PPP1R42: variants seen among roughly 807,000 people sequenced by gnomAD.
The protein encoded by PPP1R42 is protein phosphatase 1 regulatory subunit 42, also known as leucine rich repeat containing 67.
A neutral mutation model predicts 31.0 loss-of-function variants in PPP1R42; 34 were observed. The ratio of observed to expected loss-of-function variants is 1.10; its 90% CI spans 0.83 to 1.46. The LOEUF (loss-of-function observed/expected upper bound fraction) is 1.46, where lower values mean the gene tolerates loss of function less well. Among genes scored for constraint, PPP1R42 ranks in the 40% most tolerant of loss-of-function variants. The pLI is 0.00. For synonymous variants in PPP1R42, 103 were observed against 109.8 expected (o/e 0.94, Z 0.39); for missense variants, 268 against 303.0 (o/e 0.88, Z 0.86).
chr8:67,026,254 C>G (rs989203585), intron 1 of PPP1R42, among the ~76,000 whole-genome samples: 1 of 151,780 alleles, frequency 6.6e-6, no homozygotes, highest in African/African-American at 2.4e-5. Flanking sequence ...AGGAGAATCG[C>G]TTGTACCCAG....
At chr8:67,019,908 A>C (rs908118230) in intron 1 of PPP1R42, among the ~76,000 whole-genome samples, 4 of 151,862 alleles carry the variant, frequency 2.6e-5, no homozygotes, top group East Asian at 2.0e-4. Context: ...AAACCAAAAA[A>C]ACAAACAAAC....
intron 5 of PPP1R42, among the ~76,000 whole-genome samples, chr8:67,005,726 C>T (rs1253078844): frequency 6.6e-6 from 1 of 152,016 alleles, no homozygotes; most frequent in African/African-American, 2.4e-5. Flanking sequence ...CAAACCCACC[C>T]ACTCCTCTTC....
At chr8:67,010,476 T>G (rs927363385) in intron 5 of PPP1R42, 5 of 377,274 alleles carry the variant, frequency 1.3e-5, no homozygotes, top group African/African-American at 1.1e-4. Context: ...ACTTCCCTTC[T>G]CAGAGAAACT....
At chr8:67,018,211 G>A (rs1816078078) in intron 1 of PPP1R42, among the ~76,000 whole-genome samples, 1 of 151,512 alleles carries the variant, frequency 6.6e-6, no homozygotes, top group Non-Finnish European at 1.5e-5. Flanking sequence ...CCCCTCCCAG[G>A]TTCAAGCGAT....
At chr8:66,967,441 T>C (rs541551595) in intron 7 of PPP1R42, among the ~76,000 whole-genome samples, 1 of 152,252 alleles carries the variant, frequency 6.6e-6, no homozygotes, top group African/African-American at 2.4e-5. Context: ...TAGACCGTTA[T>C]GTTTAACAAA....
rs778387540 is a variant in PPP1R42, at chr8:67,010,766, T to A, written c.501A>T (p.Leu167=). Residue 167 remains leucine, a synonymous_variant, in exon 5 of 8, where the codon CTA becomes CTT. Transcript: ENST00000685739. ...CGGCTATGAGCTGATTAAGATTCTC[T>A]AGTAGTTCTAAGTCTGTAATGTCAT... ...NIDDITDLEL[L]ENLNQLIAVD... 2 of 1,608,466 alleles carry A rather than the reference T, an allele frequency of 1.2e-6. No homozygotes were observed. The highest frequency in any genetic ancestry group is 2.2e-5 in the South Asian group (2 of 89,168).
At chr8:66,969,203 G>A (rs1395410876) in intron 7 of PPP1R42, among the ~76,000 whole-genome samples, 9 of 152,210 alleles carry the variant, frequency 5.9e-5, no homozygotes, top group African/African-American at 2.2e-4. Context: ...AACAATGCAC[G>A]TGGCAATGTA....
At chr8:67,016,774 G>A (rs1322098448) in intron 2 of PPP1R42, among the ~76,000 whole-genome samples, 1 of 152,082 alleles carries the variant, frequency 6.6e-6, no homozygotes, top group Non-Finnish European at 1.5e-5. Flanking sequence ...ATTCTTTAGT[G>A]GTGAGTTCTG....
intron 6 of PPP1R42, chr8:66,984,083 G>A: frequency 1.3e-6 from 2 of 1,510,130 alleles, no homozygotes; most frequent in Non-Finnish European, 1.8e-6. Flanking sequence ...ATAAGTGAGA[G>A]GACAGAAGAG....
Position 67,006,976 on chromosome 8 carries a change from C to A in PPP1R42, c.552+3739G>T, listed in dbSNP as rs1815705450. 2.0e-5 allele frequency among the ~76,000 whole-genome samples: 3 copies of A among 149,570 alleles called. No homozygotes were observed. In the South Asian group the frequency reaches 6.4e-4, roughly 32 times the overall value. ...GCCAGGATGGTCTCGATCTCCTGACCTTGTGATCCACCCGCCTCGGCCTCC... is the reference window on the plus strand; with the variant it reads ...GCCAGGATGGTCTCGATCTCCTGACATTGTGATCCACCCGCCTCGGCCTCC... On this transcript the variant is annotated intron_variant, in intron 5 of 7. Transcript: ENST00000685739.
At chr8:66,974,859 GCCAGTA>G (rs1814627499) in intron 7 of PPP1R42, among the ~76,000 whole-genome samples, 2 of 152,006 alleles carry the variant, frequency 1.3e-5, no homozygotes, top group Non-Finnish European at 2.9e-5. Context: ...CCTGTCTTCT[GCCAGTA>G]CCATACTGTT....
intron 7 of PPP1R42, among the ~76,000 whole-genome samples, chr8:66,969,919 A>G (rs906199704): frequency 1.3e-5 from 2 of 152,198 alleles, no homozygotes; most frequent in African/African-American, 2.4e-5. Context: ...TTAATGCAAA[A>G]TTTATAAGAT....
chr8:66,999,861 A>G (rs1815433811), intron 5 of PPP1R42, among the ~76,000 whole-genome samples: 1 of 152,192 alleles, frequency 6.6e-6, no homozygotes, highest in Admixed American at 6.5e-5. Context: ...TGCAAGTAAT[A>G]TGTTTTTAAC....
At chr8:66,965,443 TC>T (rs1420585401) in intron 7 of PPP1R42, among the ~76,000 whole-genome samples, 2 of 150,062 alleles carry the variant, frequency 1.3e-5, no homozygotes, top group Non-Finnish European at 2.9e-5. Flanking sequence ...CCTTCTTTTT[TC>T]TTTTTTTTTT....
chr8:66,968,573 A>T, intron 7 of PPP1R42: 1 of 747,966 alleles, frequency 1.3e-6, no homozygotes. Flanking sequence ...AGAAACTAAA[A>T]ATCTGTTCTT....
intron 6 of PPP1R42, among the ~76,000 whole-genome samples, chr8:66,982,589 T>C (rs1372235823): frequency 6.6e-6 from 1 of 152,098 alleles, no homozygotes; most frequent in East Asian, 1.9e-4. Context: ...CCCGAATAGC[T>C]GGGACCACAG....
Position 67,008,993 on chromosome 8 carries a change from G to A in PPP1R42, c.552+1722C>T, listed in dbSNP as rs150987296. Among the ~76,000 whole-genome samples, 9 of 152,264 alleles carry A rather than the reference G, an allele frequency of 5.9e-5. No homozygotes were observed. The East Asian group carries it at 1.5e-3, about 26-fold the overall frequency. ...TAAAAGTAATGGCCGTTACCAGGCTGGGTGCAGTGGCTCATGCCTAGAATC... is the reference window on the plus strand; with the variant it reads ...TAAAAGTAATGGCCGTTACCAGGCTAGGTGCAGTGGCTCATGCCTAGAATC... On this transcript the variant is annotated intron_variant, in intron 5 of 7. Coordinates refer to ENST00000685739, the MANE Select transcript of PPP1R42 (RefSeq NM_001364910.1).
At chr8:66,982,356 G>T (rs1814866741) in intron 6 of PPP1R42, among the ~76,000 whole-genome samples, 176 bp from the exon 7 acceptor site, 1 of 152,058 alleles carries the variant, frequency 6.6e-6, no homozygotes, top group Admixed American at 6.5e-5. Context: ...TTTATTTATA[G>T]ATTTTTTTCT....
chr8:66,993,896 A>G (rs1374127767), intron 5 of PPP1R42, among the ~76,000 whole-genome samples: 2 of 152,226 alleles, frequency 1.3e-5, no homozygotes, highest in Non-Finnish European at 2.9e-5. Flanking sequence ...GGCTAGAAGC[A>G]GGACAGGAAT....
Sources: gnomAD v4.1 joint callset for allele counts (sites outside exome capture counted in the v4.1 genomes callset) on GRCh38, gnomAD v4.1.1 for gene constraint, MANE v1.5 for transcripts, NCBI Gene and HGNC (gene_info 2026-07-23, HGNC 2026-07-21) for gene names.